The following CNTNAP2 variants were observed in gnomAD, a reference collection of about 807,000 sequenced individuals.
CNTNAP2 encodes contactin-associated protein-like 2.
CNTNAP2 carries 98 observed loss-of-function variants against 155.2 expected under a neutral mutation model. The observed-to-expected ratio is 0.63, with a 90% CI of 0.54 to 0.75. The LOEUF is 0.75. Ranked by LOEUF, CNTNAP2 falls within the 30% of genes least tolerant of loss-of-function variation. The pLI is 0.00. For missense variants in CNTNAP2, 1,727 were observed against 1,688.1 expected, an observed-to-expected ratio of 1.02 and a Z score of -0.40; for synonymous variants, 651 against 631.2, an observed-to-expected ratio of 1.03 and a Z score of -0.47.
At chr7:147,947,851 C>A (rs181475859) in intron 14 of CNTNAP2, among the ~76,000 whole-genome samples, 1 of 152,014 alleles carries the variant, frequency 6.6e-6, no homozygotes, top group African/African-American at 2.4e-5. Context: ...AAAATGGATG[C>A]CTGGCTTTCA....
chr7:147,629,186 G>A (rs139645404), intron 12 of CNTNAP2, among the ~76,000 whole-genome samples: 3,545 of 152,048 alleles, frequency 0.023, 135 homozygotes, highest in African/African-American at 0.079. Flanking sequence ...TGGATCACCT[G>A]AGGTTAGGAG....
At position 147,813,973 on chromosome 7, in the gene CNTNAP2, A is replaced by G. The variant is rs932006130; in HGVS notation, c.2099-89592A>G. 1.3e-4 allele frequency among the ~76,000 whole-genome samples: 20 copies of G among 152,168 alleles called. 1 individual carries two copies. The highest frequency in any genetic ancestry group is 4.6e-4 in the Admixed American group (7 of 15,280). The stretch of plus-strand genomic sequence containing the variant: ...ACTAAAAAGTCGACAAGCTCAAAGG[A>G]CAAAGTATTCAGGAACAATAGCTAA... On this transcript the variant is annotated intron_variant, in intron 13 of 23. Transcript: ENST00000361727.
chr7:147,208,190 C>A (rs1803059968), intron 8 of CNTNAP2, among the ~76,000 whole-genome samples: 1 of 152,026 alleles, frequency 6.6e-6, no homozygotes, highest in Non-Finnish European at 1.5e-5. Context: ...GGGGGGTCTG[C>A]ATAGGAATGT....
chr7:146,126,826 C>T (rs911692035), intron 1 of CNTNAP2, among the ~76,000 whole-genome samples: 20 of 152,226 alleles, frequency 1.3e-4, no homozygotes, highest in Admixed American at 4.6e-4. Flanking sequence ...AAATATTTGC[C>T]AGTCCTAATG....
intron 3 of CNTNAP2, among the ~76,000 whole-genome samples, chr7:146,979,379 A>T (rs1273842742): frequency 6.6e-6 from 1 of 152,194 alleles, no homozygotes; most frequent in Non-Finnish European, 1.5e-5. Context: ...TCCAATCTTT[A>T]TATGGCTGGC....
chr7:146,504,193 A>G (rs1028235580), intron 1 of CNTNAP2, among the ~76,000 whole-genome samples: 5 of 152,228 alleles, frequency 3.3e-5, no homozygotes, highest in Non-Finnish European at 4.4e-5. Flanking sequence ...GCAGGGAGAC[A>G]TGCCCACAGG....
intron 3 of CNTNAP2, among the ~76,000 whole-genome samples, chr7:146,868,300 C>T (rs1480534717): frequency 6.6e-6 from 1 of 152,092 alleles, no homozygotes; most frequent in Non-Finnish European, 1.5e-5. Context: ...CTTGTTTTGT[C>T]ATCTTTGTGA....
At chr7:147,978,978 A>C (rs1381519067) in intron 15 of CNTNAP2, among the ~76,000 whole-genome samples, 3 of 152,176 alleles carry the variant, frequency 2.0e-5, no homozygotes, top group Non-Finnish European at 4.4e-5. Flanking sequence ...GCAAAGCATT[A>C]TGTGAGATGG....
intron 1 of CNTNAP2, among the ~76,000 whole-genome samples, chr7:146,502,630 G>A (rs1198450942): frequency 6.6e-6 from 1 of 151,940 alleles, no homozygotes; most frequent in Non-Finnish European, 1.5e-5. Context: ...TTGTTGTTTT[G>A]AAACAGAGCC....
At chr7:146,311,400 TG>T (rs1800817788) in intron 1 of CNTNAP2, among the ~76,000 whole-genome samples, 1 of 151,948 alleles carries the variant, frequency 6.6e-6, no homozygotes, top group South Asian at 2.1e-4. Context: ...ACATCATTTT[TG>T]GTTGAGAGGA....
intron 1 of CNTNAP2, among the ~76,000 whole-genome samples, chr7:146,712,120 A>T (rs544448732): frequency 2.5e-5 from 3 of 119,464 alleles, no homozygotes; most frequent in East Asian, 5.4e-4. Flanking sequence ...GTATACATAT[A>T]TGTATACATA....
chr7:147,294,752 G>A (rs148306208), intron 8 of CNTNAP2, among the ~76,000 whole-genome samples: 4,784 of 151,862 alleles, frequency 0.032, 130 homozygotes, highest in Admixed American at 0.045. Context: ...TCCACATCCC[G>A]GGTTCAAGCA....
intron 2 of CNTNAP2, among the ~76,000 whole-genome samples, chr7:146,833,494 G>A (rs537950182): frequency 2.6e-4 from 40 of 152,004 alleles, no homozygotes; most frequent in African/African-American, 7.7e-4. Flanking sequence ...TACATTACTC[G>A]CCCGATGCCT....
At chr7:147,648,120 G>A (rs564250667) in intron 13 of CNTNAP2, among the ~76,000 whole-genome samples, 1 of 152,272 alleles carries the variant, frequency 6.6e-6, no homozygotes, top group East Asian at 1.9e-4. Flanking sequence ...AAGAGTAGGG[G>A]TTTAAAAATG....
intron 13 of CNTNAP2, among the ~76,000 whole-genome samples, chr7:147,645,903 A>T (rs766006583): frequency 2.6e-5 from 4 of 152,188 alleles, no homozygotes; most frequent in Non-Finnish European, 4.4e-5. Flanking sequence ...GTGAACTTGA[A>T]GGTGGGAGAG....
intron 13 of CNTNAP2, among the ~76,000 whole-genome samples, chr7:147,652,411 T>A (rs973787454): frequency 3.3e-5 from 5 of 152,196 alleles, no homozygotes; most frequent in African/African-American, 1.2e-4. Context: ...TATATCTAGA[T>A]AACTAATGCT....
At chr7:148,052,143 CAAA>C (rs750104789) in intron 15 of CNTNAP2, among the ~76,000 whole-genome samples, 3 of 96,958 alleles carry the variant, frequency 3.1e-5, no homozygotes, top group African/African-American at 4.2e-5. Flanking sequence ...ACTCCGTCTC[CAAA>C]AAAAAAAAAA....
At position 147,280,916 on chromosome 7, in the gene CNTNAP2, T is replaced by C. The variant is rs1805019463; in HGVS notation, c.1349-19225T>C. Among the ~76,000 whole-genome samples, 3 of 151,928 alleles carry C rather than the reference T, an allele frequency of 2.0e-5. No homozygotes were observed. In the South Asian group the frequency reaches 6.2e-4, roughly 31 times the overall value. On this transcript the variant is annotated intron_variant, in intron 8 of 23. Coordinates refer to ENST00000361727, the MANE Select transcript of CNTNAP2 (RefSeq NM_014141.6). ...AGTTTTGGAAAGTGCAGAGTTGTAA[T>C]ACTGATGATAAGTGGCAGCTCTGAA...
intron 14 of CNTNAP2, chr7:147,940,324 A>AAAAAAC (rs1800696119): frequency 6.7e-6 from 1 of 149,286 alleles, no homozygotes; most frequent in East Asian, 2.0e-4. Context: ...AAAAAAAAAA[A>AAAAAAC]TGGCTTTAGA....
Sources: allele counts gnomAD v4.1 joint callset (sites outside exome capture counted in the v4.1 genomes callset), GRCh38; gene constraint gnomAD v4.1.1; transcripts MANE v1.5; gene names NCBI Gene and HGNC (gene_info 2026-07-23, HGNC 2026-07-21).